Variants in CRACR2A observed in about 807,000 individuals in gnomAD.
CRACR2A encodes the protein EF-hand calcium-binding domain-containing protein 4B.
CRACR2A carries 79 observed loss-of-function variants against 90.5 expected under a neutral mutation model. The ratio of observed to expected loss-of-function variants is 0.87; its 90% CI spans 0.73 to 1.05. CRACR2A has a LOEUF of 1.05. Among genes scored for constraint, CRACR2A ranks in the 50% least tolerant of loss-of-function variants. The pLI, the probability that CRACR2A is intolerant of heterozygous loss-of-function variation, is 0.00. For missense variants in CRACR2A, 823 were observed against 897.2 expected (o/e 0.92, Z 1.06); for synonymous variants, 338 against 356.7 (o/e 0.95, Z 0.59).
chr12:3,693,344 C>T (rs1165356825), intron 4 of CRACR2A, among the ~76,000 whole-genome samples: 7 of 152,200 alleles, frequency 4.6e-5, no homozygotes, highest in Non-Finnish European at 1.0e-4. Flanking sequence ...AGGCTGGGTC[C>T]CTCAGAGAGG....
intron 6 of CRACR2A, among the ~76,000 whole-genome samples, chr12:3,676,525 G>A (rs1478828131): frequency 7.7e-6 from 1 of 129,192 alleles, no homozygotes; most frequent in African/African-American, 3.1e-5. Context: ...CATGAAGGCA[G>A]AGCCCTCACG....
intron 1 of CRACR2A, among the ~76,000 whole-genome samples, chr12:3,740,563 C>T (rs1946509092): frequency 6.6e-6 from 1 of 152,126 alleles, no homozygotes; most frequent in African/African-American, 2.4e-5. Flanking sequence ...TTAAGTGCCT[C>T]CACAGTCATA....
chr12:3,641,950 G>T, intron 12 of CRACR2A, 112 bp from the exon 13 acceptor site: 1 of 908,184 alleles, frequency 1.1e-6, no homozygotes. Context: ...AACTCTGAAA[G>T]GAGTAGGCAG....
chr12:3,641,121 A>G (rs921560681), intron 13 of CRACR2A, among the ~76,000 whole-genome samples: 5 of 152,164 alleles, frequency 3.3e-5, no homozygotes, highest in African/African-American at 1.2e-4. Context: ...CGAGGCGGGC[A>G]GATCACGAGG....
At chr12:3,726,850 G>GA (rs1191137619) in intron 2 of CRACR2A, 4 of 151,262 alleles carry the variant, frequency 2.6e-5, no homozygotes, top group African/African-American at 9.7e-5. Context: ...AAAAAAGAAA[G>GA]AAAAGAAAGA....
intron 3 of CRACR2A, 67 bp from the exon 4 acceptor site, chr12:3,697,102 A>G: frequency 6.8e-7 from 1 of 1,477,574 alleles, no homozygotes; most frequent in Non-Finnish European, 9.0e-7. Context: ...AAAGAACAAG[A>G]GGGGATGAGA....
intron 7 of CRACR2A, among the ~76,000 whole-genome samples, chr12:3,673,018 G>A (rs373375719): frequency 2.6e-4 from 39 of 152,296 alleles, no homozygotes; most frequent in African/African-American, 8.4e-4. Flanking sequence ...GAGGCAAGCA[G>A]AGTGATTTTT....
At chr12:3,739,963 C>T (rs1458003059) in intron 1 of CRACR2A, among the ~76,000 whole-genome samples, 1 of 151,668 alleles carries the variant, frequency 6.6e-6, no homozygotes, top group East Asian at 1.9e-4. Flanking sequence ...TGCATAGACA[C>T]AAGCCCCAGG....
chr12:3,727,686 T>G (rs1946294095), intron 2 of CRACR2A: 2 of 152,202 alleles, frequency 1.3e-5, no homozygotes. Flanking sequence ...TTGGCTTAAC[T>G]TCTTTGAAAG....
chr12:3,661,301 T>C (rs890408213), intron 7 of CRACR2A, among the ~76,000 whole-genome samples: 1 of 152,182 alleles, frequency 6.6e-6, no homozygotes, highest in Non-Finnish European at 1.5e-5. Context: ...TGAGACTCCA[T>C]GGTCAGGGGC....
Position 3,640,386 on chromosome 12 carries a change from ATATT to A in CRACR2A, c.1271+1342_1271+1345del, listed in dbSNP as rs562716053. 2.9e-3 allele frequency: 1,899 copies of A among 663,540 alleles called. 6 individuals are homozygous for A. The highest frequency in any genetic ancestry group is 3.2e-3 in the Non-Finnish European group (1,538 of 482,150). 41.1% of individuals were successfully genotyped at this position (663,540 alleles called of 1,614,324 possible). On this transcript the variant is annotated intron_variant, in intron 13 of 19. Coordinates refer to ENST00000440314, the MANE Select transcript of CRACR2A (RefSeq NM_001144958.2). ...CTCACACATAGTAGACACTCAATAA[ATATT>A]TATTAAGTGAGCATTTAATAATGGA...
chr12:3,710,248 A>G (rs1273339175), intron 3 of CRACR2A, among the ~76,000 whole-genome samples: 1 of 152,150 alleles, frequency 6.6e-6, no homozygotes, highest in Non-Finnish European at 1.5e-5. Context: ...ATCTTCAAAT[A>G]TATAGCTCAG....
At chr12:3,695,729 C>T (rs2137695929) in intron 4 of CRACR2A, among the ~76,000 whole-genome samples, 1 of 152,340 alleles carries the variant, frequency 6.6e-6, no homozygotes, top group African/African-American at 2.4e-5. Flanking sequence ...GGGATGCGTC[C>T]CTTCAAAAAC....
chr12:3,702,153 C>A (rs529165253), intron 3 of CRACR2A, among the ~76,000 whole-genome samples: 2 of 152,194 alleles, frequency 1.3e-5, no homozygotes, highest in East Asian at 3.9e-4. Flanking sequence ...AAGGAACTGG[C>A]CCAACACGAA....
intron 3 of CRACR2A, among the ~76,000 whole-genome samples, chr12:3,697,443 C>A (rs1945761183): frequency 6.6e-6 from 1 of 152,196 alleles, no homozygotes; most frequent in Non-Finnish European, 1.5e-5. Flanking sequence ...ATTCTCACAT[C>A]TCTCTGACAT....
At chr12:3,725,418 G>T (rs1053017247) in intron 2 of CRACR2A, among the ~76,000 whole-genome samples, 1 of 152,096 alleles carries the variant, frequency 6.6e-6, no homozygotes, top group African/African-American at 2.4e-5. Flanking sequence ...CTCTGCCTCT[G>T]TCCTCATTTG....
chr12:3,672,728 C>T, intron 7 of CRACR2A: 2 of 985,272 alleles, frequency 2.0e-6, no homozygotes, highest in Non-Finnish European at 1.2e-6. Context: ...TTGTGATATA[C>T]CTGCCTGTTC....
chr12:3,750,677 G>A (rs1395512936), intron 1 of CRACR2A, among the ~76,000 whole-genome samples: 1 of 152,174 alleles, frequency 6.6e-6, no homozygotes, highest in African/African-American at 2.4e-5. Flanking sequence ...AGAAAAGCAA[G>A]AGAGAGATGT....
chr12:3,673,298 T>A, intron 7 of CRACR2A, 148 bp downstream of exon 7: 1 of 913,126 alleles, frequency 1.1e-6, no homozygotes, highest in Non-Finnish European at 1.7e-6. Context: ...ACATATATCG[T>A]GACAGACACA....
Sources: allele counts gnomAD v4.1 joint callset (sites outside exome capture counted in the v4.1 genomes callset), GRCh38; gene constraint gnomAD v4.1.1; transcripts MANE v1.5; gene names NCBI Gene and HGNC (gene_info 2026-07-23, HGNC 2026-07-21).